SMC6: variants seen among roughly 807,000 people sequenced by gnomAD.
SMC6 encodes the protein structural maintenance of chromosomes 6, also known as structural maintenance of chromosomes protein 6.
SMC6 carries 79 observed loss-of-function variants against 142.2 expected under a neutral mutation model. That is an observed-to-expected ratio of 0.56 (90% confidence interval 0.46 to 0.67). SMC6 has a LOEUF of 0.67. SMC6 is among the 30% of genes least tolerant of loss of function. The pLI is 0.00. For synonymous variants in SMC6, 411 were observed against 412.4 expected, an observed-to-expected ratio of 1.00 and a Z score of 0.04; for missense variants, 1,072 against 1,284.0, an observed-to-expected ratio of 0.83 and a Z score of 2.52.
chr2:17,688,163 T>C (rs1390854728), intron 23 of SMC6, among the ~76,000 whole-genome samples: 1 of 152,030 alleles, frequency 6.6e-6, no homozygotes, highest in Non-Finnish European at 1.5e-5. Flanking sequence ...CCAGCAACAA[T>C]TAGCATCCCT....
intron 16 of SMC6, among the ~76,000 whole-genome samples, chr2:17,709,440 C>A (rs1327499609): frequency 6.6e-6 from 1 of 152,082 alleles, no homozygotes; most frequent in Non-Finnish European, 1.5e-5. Flanking sequence ...ATCAATAGCA[C>A]TGAAAAATGA....
At position 17,708,691 on chromosome 2, in the gene SMC6, A is replaced by G; in HGVS notation, c.1793T>C (p.Val598Ala). 6.4e-7 allele frequency: 1 copy of G among 1,558,918 alleles called. No homozygotes were observed. Among genetic ancestry groups the G allele is most frequent in the Non-Finnish European group, 8.7e-7 (1 of 1,150,272 alleles). The stretch of plus-strand genomic sequence containing the variant: ...TCTCATGTCAATTAGGCTATTTGCC[A>G]CAACCGCATTATCTATTTCTAAAGC... ...LTALEIDNAV[V>A]ANSLIDMRGI... Residue 598 changes from valine to alanine, a missense_variant, in exon 17 of 28, where the codon GTG (valine) becomes GCG (alanine). By Grantham distance (64) the Val-to-Ala change is moderately conservative. Coordinates refer to ENST00000448223, the MANE Select transcript of SMC6 (RefSeq NM_001142286.2).
intron 23 of SMC6, among the ~76,000 whole-genome samples, chr2:17,688,715 G>C (rs1029123767): frequency 2.6e-5 from 4 of 152,010 alleles, no homozygotes; most frequent in African/African-American, 9.7e-5. Context: ...CCTAATCCAA[G>C]TAACTTTACA....
At chr2:17,671,985 GCATT>G (rs1399612241) in intron 25 of SMC6, among the ~76,000 whole-genome samples, 3 of 151,904 alleles carry the variant, frequency 2.0e-5, no homozygotes, top group Non-Finnish European at 2.9e-5. Context: ...TCTCAAGTGA[GCATT>G]CATTTATTTT....
intron 23 of SMC6, among the ~76,000 whole-genome samples, chr2:17,694,365 C>T (rs568901258): frequency 9.9e-5 from 15 of 152,040 alleles, no homozygotes; most frequent in South Asian, 8.3e-4. Flanking sequence ...AATAAATGTT[C>T]GAGGTGATGA....
At chr2:17,724,684 G>A (rs1343049630) in intron 9 of SMC6, among the ~76,000 whole-genome samples, 1 of 152,180 alleles carries the variant, frequency 6.6e-6, no homozygotes, top group African/African-American at 2.4e-5. Context: ...GTAAGTCATG[G>A]CTGGCATGAG....
At chr2:17,684,856 C>T (rs1667379041) in intron 23 of SMC6, among the ~76,000 whole-genome samples, 1 of 151,536 alleles carries the variant, frequency 6.6e-6, no homozygotes, top group East Asian at 1.9e-4. Context: ...CAAACAAACA[C>T]GAACATTAGA....
In SMC6 at chr2:17,725,338, T is replaced by C. The variant is rs529224518; in HGVS notation, c.645A>G (p.Gln215=). 1.1e-4 allele frequency: 181 copies of C among 1,601,894 alleles called. 3 individuals are homozygous for C. In the East Asian group the frequency reaches 2.3e-3, roughly 20 times the overall value. ...AATAATCTTCCTTCATCTGTTCAAG[T>C]TGCGTTGCTTTCATGAAGAACTATT... The part of the protein sequence containing the change: ...DKYKFFMKAT[Q]LEQMKEDYSY... Residue 215 remains glutamine (Q), a synonymous_variant, in exon 9 of 28, where the codon CAA becomes CAG. Coordinates refer to ENST00000448223, the MANE Select transcript of SMC6 (RefSeq NM_001142286.2).
At chr2:17,718,054 C>A in intron 12 of SMC6, 23 bp downstream of exon 12, 1 of 1,583,180 alleles carries the variant, frequency 6.3e-7, no homozygotes, top group Non-Finnish European at 8.6e-7. Flanking sequence ...TTTTAAAATT[C>A]CAGTTTAGAA....
chr2:17,725,397 G>C (rs1189629606), intron 8 of SMC6, 39 bp from the exon 9 acceptor site: 3 of 1,397,432 alleles, frequency 2.1e-6, no homozygotes, highest in Non-Finnish European at 2.0e-6. Context: ...TTAGGAGTTT[G>C]TAAACTTCCA....
chr2:17,707,664 T>C (rs1231165838), intron 17 of SMC6, among the ~76,000 whole-genome samples: 1 of 152,130 alleles, frequency 6.6e-6, no homozygotes, highest in Non-Finnish European at 1.5e-5. Context: ...ATTTAAAAGT[T>C]AAAACTATTC....
intron 8 of SMC6, among the ~76,000 whole-genome samples, chr2:17,726,041 T>C (rs939067473): frequency 2.5e-4 from 33 of 134,254 alleles, no homozygotes; most frequent in African/African-American, 9.2e-4. Flanking sequence ...TGAGCCGAGA[T>C]TGCACCACTG....
In SMC6 at chr2:17,718,096, CT is replaced by C; in HGVS notation, c.1072del (p.Arg358GlyfsTer14). On this transcript the variant is annotated frameshift_variant, in exon 12 of 28. Coordinates refer to ENST00000448223, the MANE Select transcript of SMC6 (RefSeq NM_001142286.2). LOFTEE classifies it high-confidence loss of function. ...TCTCACCTCAGCTTCATTATAGGCC[CT>C]TTTCTTAGCAACAACATCTGCTTTC... ...ALKADVVAKK[R>X]AYNEAEVLYN... 1.2e-6 allele frequency: 2 copies of C among 1,609,040 alleles called. No individual in the cohort carries two copies. Among genetic ancestry groups the C allele is most frequent in the South Asian group, 2.2e-5 (2 of 90,038 alleles).
chr2:17,688,152 C>T (rs1302039521), intron 23 of SMC6, among the ~76,000 whole-genome samples: 2 of 151,884 alleles, frequency 1.3e-5, no homozygotes, highest in African/African-American at 2.4e-5. Context: ...GAAATGCTAC[C>T]CCAGCAACAA....
intron 20 of SMC6, among the ~76,000 whole-genome samples, chr2:17,701,527 T>G (rs969927843): frequency 6.6e-6 from 1 of 152,248 alleles, no homozygotes; most frequent in Non-Finnish European, 1.5e-5. Flanking sequence ...AAAAACACTA[T>G]GCTCAACAGC....
intron 6 of SMC6, 150 bp from the exon 7 acceptor site, chr2:17,731,289 A>G (rs1305909440): frequency 1.6e-6 from 1 of 608,472 alleles, no homozygotes; most frequent in Non-Finnish European, 2.9e-6. Flanking sequence ...ATGAATGAAC[A>G]TGGCACAAGT....
chr2:17,690,802 C>G (rs186419814), intron 23 of SMC6, among the ~76,000 whole-genome samples: 1 of 152,080 alleles, frequency 6.6e-6, no homozygotes, highest in African/African-American at 2.4e-5. Context: ...ACGGTTAATT[C>G]TTTTTCTTGG....
chr2:17,673,718 T>C (rs12477033), intron 25 of SMC6, among the ~76,000 whole-genome samples: 1 of 151,800 alleles, frequency 6.6e-6, no homozygotes, highest in South Asian at 2.1e-4. Context: ...TACAGGCATG[T>C]GCCACCATGC....
chr2:17,684,996 G>A (rs1667385399), intron 23 of SMC6, among the ~76,000 whole-genome samples: 1 of 151,924 alleles, frequency 6.6e-6, no homozygotes, highest in Non-Finnish European at 1.5e-5. Context: ...GAAGGTAGGA[G>A]GGCTAGAACC....
Sources: gnomAD v4.1 joint callset for allele counts (sites outside exome capture counted in the v4.1 genomes callset) on GRCh38, gnomAD v4.1.1 for gene constraint, MANE v1.5 for transcripts, NCBI Gene and HGNC (gene_info 2026-07-23, HGNC 2026-07-21) for gene names.